The following ZMAT4 variants were observed in gnomAD, a reference collection of about 807,000 sequenced individuals.
ZMAT4 encodes zinc finger matrin-type 4.
In ZMAT4, 17 loss-of-function variants were observed where a neutral mutation model predicts 28.7. The ratio of observed to expected loss-of-function variants is 0.59; its 90% CI spans 0.41 to 0.89. The LOEUF is 0.89. Ranked by LOEUF, ZMAT4 falls within the 40% of genes least tolerant of loss-of-function variation. The probability of loss-of-function intolerance (pLI) is 0.00; values close to 1 mark genes in which losing one functional copy is unlikely to be tolerated. For missense variants in ZMAT4, 240 were observed against 283.8 expected, an observed-to-expected ratio of 0.85 and a Z score of 1.11; for synonymous variants, 117 against 109.2, an observed-to-expected ratio of 1.07 and a Z score of -0.44.
chr8:40,659,955 A>G (rs555014110), intron 5 of ZMAT4, among the ~76,000 whole-genome samples: 1 of 152,336 alleles, frequency 6.6e-6, no homozygotes, highest in African/African-American at 2.4e-5. Context: ...ATATAACTGC[A>G]AAAGAAATCA....
chr8:40,718,795 A>T (rs1303678422), intron 3 of ZMAT4, among the ~76,000 whole-genome samples: 1 of 152,240 alleles, frequency 6.6e-6, no homozygotes. Context: ...TGCTCTATAG[A>T]TAAGAGTTCT....
chr8:40,667,136 CT>C (rs200249723), intron 5 of ZMAT4, among the ~76,000 whole-genome samples: 2,425 of 148,746 alleles, frequency 0.016, 59 homozygotes, highest in African/African-American at 0.056. Flanking sequence ...GCAATAATTT[CT>C]TTTTTTTTTA....
chr8:40,565,228 T>C (rs890833389), intron 6 of ZMAT4, among the ~76,000 whole-genome samples: 2 of 152,132 alleles, frequency 1.3e-5, no homozygotes, highest in Middle Eastern at 3.2e-3. Context: ...CAAATCCTCA[T>C]ATATAAGTGA....
intron 3 of ZMAT4, among the ~76,000 whole-genome samples, chr8:40,707,847 T>C (rs1299006766): frequency 1.3e-5 from 2 of 152,208 alleles, no homozygotes; most frequent in African/African-American, 4.8e-5. Flanking sequence ...GTTTTGTTCA[T>C]AGCTATATCC....
At chr8:40,661,686 A>T (rs996978696) in intron 5 of ZMAT4, among the ~76,000 whole-genome samples, 2 of 152,130 alleles carry the variant, frequency 1.3e-5, no homozygotes, top group African/African-American at 4.8e-5. Context: ...TTTCACAAGG[A>T]TCTCTTGTTT....
rs374129562 is a variant in ZMAT4, at chr8:40,610,846, G to GA, written c.578-29586dup. Among the ~76,000 whole-genome samples the GA allele has an allele frequency of 4.7e-3, 651 of 139,838 alleles. 2 individuals carry two copies. Among genetic ancestry groups the GA allele is most frequent in the East Asian group, 5.5e-3 (27 of 4,884 alleles). The allele number at this position is 139,838 out of a possible 152,430, so 91.7% of individuals were successfully genotyped here. The stretch of plus-strand genomic sequence containing the variant: ...ATAAGAGATAGGCCATAGAAAAAAT[G>GA]AAAAAAAAAAGGCTATATGTGAAAC... On this transcript the variant is annotated intron_variant, in intron 5 of 6. Coordinates refer to ENST00000297737, the MANE Select transcript of ZMAT4 (RefSeq NM_024645.3).
At chr8:40,749,801 A>G (rs1341946365) in intron 3 of ZMAT4, among the ~76,000 whole-genome samples, 1 of 152,224 alleles carries the variant, frequency 6.6e-6, no homozygotes, top group Non-Finnish European at 1.5e-5. Flanking sequence ...AAAAGGTGCT[A>G]GATTTAGGTG....
At chr8:40,795,817 C>T (rs947747282) in intron 2 of ZMAT4, among the ~76,000 whole-genome samples, 2 of 152,226 alleles carry the variant, frequency 1.3e-5, no homozygotes, top group Non-Finnish European at 2.9e-5. Context: ...ATATTCCATT[C>T]ACTACCACCA....
At chr8:40,591,794 T>G (rs1167088185) in intron 5 of ZMAT4, among the ~76,000 whole-genome samples, 2 of 152,264 alleles carry the variant, frequency 1.3e-5, no homozygotes, top group East Asian at 3.9e-4. Flanking sequence ...GATGAAAGGG[T>G]TGTTATTATC....
chr8:40,706,422 C>T (rs1810353893), intron 3 of ZMAT4, among the ~76,000 whole-genome samples: 1 of 152,138 alleles, frequency 6.6e-6, no homozygotes, highest in Admixed American at 6.5e-5. Flanking sequence ...TGGATAAATA[C>T]ATAAATAAAT....
intron 2 of ZMAT4, among the ~76,000 whole-genome samples, chr8:40,771,138 C>T (rs866508056): frequency 1.3e-5 from 2 of 151,160 alleles, no homozygotes; most frequent in African/African-American, 2.4e-5. Flanking sequence ...GGGAGAATTG[C>T]GGGGGGGAAG....
At chr8:40,739,642 G>GTTTT (rs1417314931) in intron 3 of ZMAT4, among the ~76,000 whole-genome samples, 1 of 152,082 alleles carries the variant, frequency 6.6e-6, no homozygotes, top group Non-Finnish European at 1.5e-5. Flanking sequence ...TTGTTTGTTT[G>GTTTT]TTTTACTTTA....
intron 2 of ZMAT4, among the ~76,000 whole-genome samples, chr8:40,813,186 A>C (rs1815397748): frequency 1.3e-5 from 2 of 152,090 alleles, no homozygotes; most frequent in South Asian, 4.1e-4. Flanking sequence ...TATGTAAAAA[A>C]AATCCATGCC....
At chr8:40,687,200 CG>C (rs1352101782) in intron 4 of ZMAT4, among the ~76,000 whole-genome samples, 1 of 152,132 alleles carries the variant, frequency 6.6e-6, no homozygotes, top group Non-Finnish European at 1.5e-5. Context: ...AGCCAGAAGA[CG>C]GGGCACTGAA....
At chr8:40,893,404 TA>T (rs1232639654) in intron 1 of ZMAT4, among the ~76,000 whole-genome samples, 2 of 152,142 alleles carry the variant, frequency 1.3e-5, no homozygotes, top group African/African-American at 4.8e-5. Context: ...CTAAGGGGAC[TA>T]AAAGTCAGAA....
At position 40,545,429 on chromosome 8, in the gene ZMAT4, C is replaced by A. The variant is rs1250501445; in HGVS notation, c.675-13191G>T. ...GTGTTATGGTAGAATTATGCTCCCCCCAAAAATTATATGTTGAAGTCCTAA... is the reference window on the plus strand; with the variant it reads ...GTGTTATGGTAGAATTATGCTCCCCACAAAAATTATATGTTGAAGTCCTAA... On this transcript the variant is annotated intron_variant, in intron 6 of 6. Coordinates refer to ENST00000297737, the MANE Select transcript of ZMAT4 (RefSeq NM_024645.3). Among the ~76,000 whole-genome samples, 6 of 152,086 alleles carry A rather than the reference C, an allele frequency of 3.9e-5. No homozygotes were observed. The East Asian group carries it at 1.2e-3, about 29-fold the overall frequency.
At chr8:40,696,418 T>C (rs913661691) in intron 4 of ZMAT4, among the ~76,000 whole-genome samples, 35 of 152,180 alleles carry the variant, frequency 2.3e-4, no homozygotes, top group Admixed American at 1.8e-3. Context: ...CTGCTAAATT[T>C]TAATCGCATG....
intron 5 of ZMAT4, among the ~76,000 whole-genome samples, chr8:40,592,475 G>A (rs75138054): frequency 6.6e-6 from 1 of 152,136 alleles, no homozygotes; most frequent in African/African-American, 2.4e-5. Flanking sequence ...CCAAACAGTC[G>A]ATTAAACAAA....
intron 5 of ZMAT4, among the ~76,000 whole-genome samples, chr8:40,591,859 G>C (rs1234455091): frequency 6.6e-6 from 1 of 152,004 alleles, no homozygotes; most frequent in Admixed American, 6.6e-5. Context: ...TTACAGATGA[G>C]AAAACCATGG....
Sources: allele counts gnomAD v4.1 joint callset (sites outside exome capture counted in the v4.1 genomes callset), GRCh38; gene constraint gnomAD v4.1.1; transcripts MANE v1.5; gene names NCBI Gene and HGNC (gene_info 2026-07-23, HGNC 2026-07-21).